Variants in PFKP observed in about 807,000 individuals in gnomAD.
PFKP encodes the protein ATP-dependent 6-phosphofructokinase, platelet type.
Under a neutral mutation model 94.3 loss-of-function variants are expected in PFKP, and 101 were observed. The observed-to-expected ratio is 1.07, with a 90% confidence interval of 0.91 to 1.26. PFKP has a LOEUF of 1.26. Among genes scored for constraint, PFKP ranks in the 50% most tolerant of loss-of-function variants. The probability of loss-of-function intolerance (pLI) is 0.00; values close to 1 mark genes in which losing one functional copy is unlikely to be tolerated. For missense variants in PFKP, 1,145 were observed against 1,103.3 expected, an observed-to-expected ratio of 1.04 and a Z score of -0.53; for synonymous variants, 573 against 432.6, an observed-to-expected ratio of 1.32 and a Z score of -4.03.
intron 1 of PFKP, among the ~76,000 whole-genome samples, chr10:3,070,510 T>C (rs548922826): frequency 9.3e-4 from 142 of 152,338 alleles, no homozygotes; most frequent in African/African-American, 2.7e-3. Context: ...TAAAATTCCG[T>C]ATATTAAGAT....
chr10:3,118,292 C>A (rs1331349206), intron 14 of PFKP, among the ~76,000 whole-genome samples: 2 of 152,080 alleles, frequency 1.3e-5, no homozygotes, highest in South Asian at 4.1e-4. Context: ...CATGGTGAAA[C>A]CCTGTCTCTA....
intron 2 of PFKP, among the ~76,000 whole-genome samples, chr10:3,096,631 A>G (rs1834501148): frequency 6.9e-6 from 1 of 145,586 alleles, no homozygotes. Context: ...CCCAGGCTAC[A>G]TGCCTGCTTC....
intron 2 of PFKP, among the ~76,000 whole-genome samples, chr10:3,088,535 C>A (rs941271391): frequency 9.2e-5 from 14 of 152,146 alleles, no homozygotes; most frequent in African/African-American, 3.4e-4. Context: ...CGTCACCCAG[C>A]CGAGGTGACG....
intron 18 of PFKP, among the ~76,000 whole-genome samples, 174 bp from the exon 19 acceptor site, chr10:3,133,029 C>T (rs1415918126): frequency 6.6e-6 from 1 of 152,176 alleles, no homozygotes; most frequent in Non-Finnish European, 1.5e-5. Context: ...ACCACTGGAC[C>T]ATGGGTAACA....
intron 4 of PFKP, among the ~76,000 whole-genome samples, chr10:3,102,483 G>A (rs1160676711): frequency 8.6e-5 from 13 of 151,758 alleles, no homozygotes; most frequent in African/African-American, 2.4e-4. Context: ...GCACGATCTC[G>A]GCTCACTGCA....
chr10:3,096,939 G>T (rs188721694), intron 2 of PFKP, among the ~76,000 whole-genome samples: 1 of 121,298 alleles, frequency 8.2e-6, no homozygotes, highest in Non-Finnish European at 1.8e-5. Flanking sequence ...TTAGCCGGGC[G>T]TGGTGGCGGG....
At chr10:3,114,802 G>A (rs1345734132) in intron 13 of PFKP, among the ~76,000 whole-genome samples, 1 of 152,248 alleles carries the variant, frequency 6.6e-6, no homozygotes, top group East Asian at 1.9e-4. Context: ...GGGCAGGGCC[G>A]GCTTCTTTGT....
chr10:3,118,396 A>T (rs1440819863), intron 14 of PFKP, among the ~76,000 whole-genome samples: 3 of 152,174 alleles, frequency 2.0e-5, no homozygotes, highest in Non-Finnish European at 4.4e-5. Context: ...TGAACCCGGG[A>T]GGCGGAGCTT....
intron 15 of PFKP, among the ~76,000 whole-genome samples, chr10:3,119,530 G>A (rs1174408632): frequency 2.6e-5 from 4 of 152,102 alleles, no homozygotes; most frequent in Admixed American, 6.5e-5. Context: ...GCTTGAACCC[G>A]GGAGGCGGAG....
Position 3,105,375 on chromosome 10 carries a change from G to A in PFKP, c.666-18G>A, listed in dbSNP as rs201830514. On this transcript the variant is annotated intron_variant, in intron 6 of 21. Transcript: ENST00000381125. ...AGGATCCTTCTGGGGTGTTGATGCT[G>A]TTGCCTTGTCCACATAGGTACCTGG... 1.3e-6 allele frequency: 2 copies of A among 1,598,698 alleles called. No homozygotes were observed. The highest frequency in any genetic ancestry group is 1.7e-6 in the Non-Finnish European group (2 of 1,166,174).
At chr10:3,109,064 A>G (rs955827521) in intron 9 of PFKP, among the ~76,000 whole-genome samples, 6 of 43,962 alleles carry the variant, frequency 1.4e-4, no homozygotes, top group African/African-American at 3.5e-4. Context: ...CCCAGGGCAG[A>G]AAGGCTGTGT....
intron 3 of PFKP, chr10:3,100,858 G>A (rs1269399149): frequency 7.2e-6 from 3 of 413,964 alleles, no homozygotes; most frequent in South Asian, 5.2e-5. Flanking sequence ...GCGAGTATGT[G>A]GTGCAAAAAA....
chr10:3,112,954 G>A (rs1038507383), intron 11 of PFKP, among the ~76,000 whole-genome samples, 165 bp from the exon 12 acceptor site: 1 of 152,240 alleles, frequency 6.6e-6, no homozygotes, highest in Non-Finnish European at 1.5e-5. Context: ...GCGGGTCGCG[G>A]CTAAGGGCTC....
At chr10:3,093,661 T>TTTTTTTA (rs1834234003) in intron 2 of PFKP, among the ~76,000 whole-genome samples, 1 of 107,764 alleles carries the variant, frequency 9.3e-6, no homozygotes, top group African/African-American at 3.9e-5. Context: ...TTTTTTTTTT[T>TTTTTTTA]GAGACAGAGT....
rs1834765293 is a variant in PFKP at position 3,099,357 on chromosome 10, G to GT, written c.264+6dup. 6.2e-7 allele frequency: 1 copy of GT among 1,611,620 alleles called. No homozygotes were observed. Among genetic ancestry groups the GT allele is most frequent in the Non-Finnish European group, 8.5e-7 (1 of 1,177,714 alleles). ...GTCTCCAGCATCCTGCAAGTGGTAG[G>GT]TACTGGGCTGCGTCCACAGGGTTCT... On this transcript the variant is annotated splice_donor_region_variant and intron_variant, in intron 3 of 21. Coordinates refer to ENST00000381125, the MANE Select transcript of PFKP (RefSeq NM_002627.5).
intron 1 of PFKP, among the ~76,000 whole-genome samples, chr10:3,074,681 T>G (rs549722853): frequency 6.6e-6 from 1 of 152,274 alleles, no homozygotes; most frequent in African/African-American, 2.4e-5. Flanking sequence ...AGGTAGAGCA[T>G]GTGAGCTCCA....
intron 1 of PFKP, among the ~76,000 whole-genome samples, chr10:3,070,861 T>C (rs1832127714): frequency 6.6e-6 from 1 of 152,042 alleles, no homozygotes; most frequent in Non-Finnish European, 1.5e-5. Context: ...ACCTTCTGAG[T>C]AGCTGGGAAG....
intron 1 of PFKP, among the ~76,000 whole-genome samples, chr10:3,077,261 C>CTTTTTTTTTTTTT (rs34485324): frequency 5.7e-4 from 48 of 84,258 alleles, no homozygotes; most frequent in East Asian, 1.1e-3. Context: ...TTTTTTTTTT[C>CTTTTTTTTTTTTT]TTTTTTTTTT....
chr10:3,102,588 T>C (rs945060248), intron 4 of PFKP, among the ~76,000 whole-genome samples: 1 of 152,056 alleles, frequency 6.6e-6, no homozygotes, highest in Non-Finnish European at 1.5e-5. Context: ...TTTTTTAAAA[T>C]TTTTTTATTT....
Sources: gnomAD v4.1 joint callset for allele counts (sites outside exome capture counted in the v4.1 genomes callset) on GRCh38, gnomAD v4.1.1 for gene constraint, MANE v1.5 for transcripts, NCBI Gene and HGNC (gene_info 2026-07-23, HGNC 2026-07-21) for gene names.